The following CTNNA2 variants were observed in gnomAD, a reference collection of about 807,000 sequenced individuals.
CTNNA2 encodes catenin alpha 2.
CTNNA2 carries 42 observed loss-of-function variants against 101.0 expected under a neutral mutation model. That is an observed-to-expected ratio of 0.42 (90% CI 0.32 to 0.54). The LOEUF is 0.54. CTNNA2 is among the 20% of genes least tolerant of loss of function. CTNNA2 has a pLI of 0.14. For synonymous variants in CTNNA2, 450 were observed against 456.4 expected (o/e 0.99, Z 0.18); for missense variants, 871 against 1,223.1 (o/e 0.71, Z 4.29).
At chr2:80,443,564 CG>C (rs1682792635) in intron 9 of CTNNA2, among the ~76,000 whole-genome samples, 1 of 152,084 alleles carries the variant, frequency 6.6e-6, no homozygotes, top group Non-Finnish European at 1.5e-5. Context: ...TTGTCACAGT[CG>C]GTTGAGTAGT....
chr2:79,291,381 A>T (rs1206913022), intron 2 of CTNNA2, among the ~76,000 whole-genome samples: 1 of 152,162 alleles, frequency 6.6e-6, no homozygotes, highest in Non-Finnish European at 1.5e-5. Context: ...ATATCCAGGA[A>T]TTCTTCCATC....
At chr2:79,310,286 G>C (rs756316869) in intron 2 of CTNNA2, among the ~76,000 whole-genome samples, 2 of 152,110 alleles carry the variant, frequency 1.3e-5, no homozygotes, top group African/African-American at 2.4e-5. Flanking sequence ...TCCTAACTTC[G>C]ACAAAATGTT....
chr2:80,153,090 G>A (rs1573237414), intron 7 of CTNNA2, among the ~76,000 whole-genome samples: 1 of 152,292 alleles, frequency 6.6e-6, no homozygotes, highest in South Asian at 2.1e-4. Flanking sequence ...GCACCATCCG[G>A]TGCCAAATTT....
intron 2 of CTNNA2, among the ~76,000 whole-genome samples, chr2:79,209,734 A>C (rs1391318940): frequency 2.8e-5 from 1 of 36,002 alleles, no homozygotes; most frequent in Non-Finnish European, 4.7e-5. Flanking sequence ...TCAGGTCTGA[A>C]ATATTACTCC....
intron 3 of CTNNA2, among the ~76,000 whole-genome samples, chr2:79,832,370 G>A (rs1336555230): frequency 6.6e-6 from 1 of 152,028 alleles, no homozygotes; most frequent in Non-Finnish European, 1.5e-5. Flanking sequence ...CTGGATTTTC[G>A]GGCAGATTTG....
chr2:79,792,725 A>G (rs1449298795), intron 3 of CTNNA2, among the ~76,000 whole-genome samples: 1 of 152,184 alleles, frequency 6.6e-6, no homozygotes, highest in Non-Finnish European at 1.5e-5. Flanking sequence ...TAGAAAAATC[A>G]CTTACCATTC....
At chr2:80,270,977 A>C (rs892118545) in intron 7 of CTNNA2, among the ~76,000 whole-genome samples, 7 of 152,192 alleles carry the variant, frequency 4.6e-5, no homozygotes, top group Admixed American at 2.6e-4. Flanking sequence ...ACTGCCAAGA[A>C]AAGTTATCTT....
chr2:79,209,093 A>G (rs1314977944), intron 2 of CTNNA2, among the ~76,000 whole-genome samples: 3 of 152,188 alleles, frequency 2.0e-5, no homozygotes, highest in Non-Finnish European at 4.4e-5. Context: ...AGGCAGGAAG[A>G]CGGCTTGAGT....
intron 9 of CTNNA2, among the ~76,000 whole-genome samples, chr2:80,436,026 A>G (rs1264189916): frequency 2.0e-5 from 3 of 152,190 alleles, no homozygotes; most frequent in Non-Finnish European, 4.4e-5. Context: ...AGAATGCAGG[A>G]TATTTCTAAG....
At chr2:80,538,588 G>A (rs780698890) in intron 9 of CTNNA2, among the ~76,000 whole-genome samples, 4 of 152,086 alleles carry the variant, frequency 2.6e-5, no homozygotes, top group Non-Finnish European at 5.9e-5. Context: ...GTCTATATGT[G>A]TGTTTTGGTA....
chr2:79,716,305 C>T (rs1465299410), intron 2 of CTNNA2, among the ~76,000 whole-genome samples: 1 of 152,114 alleles, frequency 6.6e-6, no homozygotes, highest in African/African-American at 2.4e-5. Flanking sequence ...TTCAGGGGTA[C>T]ACATCCAGAT....
intron 5 of CTNNA2, among the ~76,000 whole-genome samples, chr2:79,873,378 A>C (rs1298875592): frequency 6.6e-6 from 1 of 152,236 alleles, no homozygotes; most frequent in Non-Finnish European, 1.5e-5. Flanking sequence ...ACTGAATAAG[A>C]AAACTAGGGC....
At chr2:79,399,807 A>C (rs895968944) in intron 4 of CTNNA2, among the ~76,000 whole-genome samples, 1 of 152,106 alleles carries the variant, frequency 6.6e-6, no homozygotes, top group Non-Finnish European at 1.5e-5. Context: ...AAGAACTGAC[A>C]TTCACTATTA....
At chr2:80,209,624 G>C (rs1270551289) in intron 7 of CTNNA2, among the ~76,000 whole-genome samples, 2 of 150,372 alleles carry the variant, frequency 1.3e-5, no homozygotes, top group African/African-American at 2.5e-5. Context: ...CACACACACA[G>C]ACACACCACA....
At chr2:79,853,086 T>G (rs1680854386) in intron 3 of CTNNA2, among the ~76,000 whole-genome samples, 1 of 152,070 alleles carries the variant, frequency 6.6e-6, no homozygotes, top group Non-Finnish European at 1.5e-5. Flanking sequence ...CAGGCTAGTC[T>G]TGAACTCCTG....
chr2:80,275,119 G>C (rs1673792640), intron 7 of CTNNA2, among the ~76,000 whole-genome samples: 1 of 151,914 alleles, frequency 6.6e-6, no homozygotes, highest in African/African-American at 2.4e-5. Flanking sequence ...GTTTTTCTTT[G>C]TTCTTCATAA....
rs1358750235 is a variant in CTNNA2, at chr2:80,465,668, C to T, written c.1290+46067C>T. The stretch of plus-strand genomic sequence containing the variant: ...AACAAAAAAAGAAGTCATTTGCCCT[C>T]GCCCTAGCCCTCCCTCTATTTTATC... On this transcript the variant is annotated intron_variant, in intron 9 of 18. Coordinates refer to ENST00000402739, the MANE Select transcript of CTNNA2 (RefSeq NM_001282597.3). Among the ~76,000 whole-genome samples the T allele has an allele frequency of 3.3e-5, 5 of 152,154 alleles. 1 individual carries two copies. The highest frequency in any genetic ancestry group is 4.8e-5 in the African/African-American group (2 of 41,452).
intron 12 of CTNNA2, among the ~76,000 whole-genome samples, chr2:80,566,121 C>CT (rs1164950421): frequency 6.6e-6 from 1 of 152,180 alleles, no homozygotes; most frequent in Non-Finnish European, 1.5e-5. Context: ...GCATAGCATA[C>CT]TACATTAGTT....
chr2:79,374,721 G>A (rs777123835), intron 4 of CTNNA2, among the ~76,000 whole-genome samples: 7 of 151,942 alleles, frequency 4.6e-5, no homozygotes, highest in African/African-American at 9.7e-5. Context: ...ACTAAAATCC[G>A]ATGGAAATTT....
Sources: gnomAD v4.1 joint callset for allele counts (sites outside exome capture counted in the v4.1 genomes callset) on GRCh38, gnomAD v4.1.1 for gene constraint, MANE v1.5 for transcripts, NCBI Gene and HGNC (gene_info 2026-07-23, HGNC 2026-07-21) for gene names.